The following LRP1B variants were observed in gnomAD, a reference collection of about 807,000 sequenced individuals.
LRP1B encodes the protein low-density lipoprotein receptor-related protein 1B.
In LRP1B, 217 loss-of-function variants were observed where a neutral mutation model predicts 556.6. The observed-to-expected ratio is 0.39, with a 90% confidence interval of 0.35 to 0.44. The LOEUF is 0.44. LRP1B is among the 20% of genes least tolerant of loss of function. LRP1B has a pLI of 1.00. For missense variants in LRP1B, 5,053 were observed against 5,620.8 expected (o/e 0.90, Z 3.23); for synonymous variants, 2,047 against 1,865.8 (o/e 1.10, Z -2.50).
At chr2:141,906,272 A>AC (rs557036501) in intron 1 of LRP1B, among the ~76,000 whole-genome samples, 111 of 151,892 alleles carry the variant, frequency 7.3e-4, no homozygotes, top group African/African-American at 2.6e-3. Flanking sequence ...ACAAAAAAAA[A>AC]CAAAAACAAT....
intron 66 of LRP1B, among the ~76,000 whole-genome samples, chr2:140,401,354 C>T (rs971259686): frequency 2.0e-5 from 3 of 152,166 alleles, no homozygotes; most frequent in African/African-American, 7.2e-5. Flanking sequence ...AGCTGCCTTG[C>T]CAACTGCATG....
At chr2:141,278,403 A>G (rs890399502) in intron 3 of LRP1B, among the ~76,000 whole-genome samples, 1 of 152,150 alleles carries the variant, frequency 6.6e-6, no homozygotes, top group Non-Finnish European at 1.5e-5. Flanking sequence ...GCTGCAGAAG[A>G]AGGCTTTGGA....
In LRP1B at chr2:141,399,209, T is replaced by C. The variant is rs933140705; in HGVS notation, c.343+81187A>G. ...AGGCAGAGGTTGCCGTGAGCCAAGA[T>C]CGTGCCACCGTGCTCCGGCCTGGGA... On this transcript the variant is annotated intron_variant, in intron 3 of 90. Coordinates refer to ENST00000389484, the MANE Select transcript of LRP1B (RefSeq NM_018557.3). Among the ~76,000 whole-genome samples the C allele has an allele frequency of 3.9e-5, 6 of 152,016 alleles. No individual in the cohort carries two copies. The East Asian group carries it at 1.2e-3, about 29-fold the overall frequency.
At chr2:140,691,769 A>G (rs1686252330) in intron 41 of LRP1B, among the ~76,000 whole-genome samples, 1 of 152,176 alleles carries the variant, frequency 6.6e-6, no homozygotes, top group African/African-American at 2.4e-5. Flanking sequence ...GATTTGACCA[A>G]TTAATTTACT....
chr2:141,605,898 C>A (rs542109639), intron 2 of LRP1B, among the ~76,000 whole-genome samples: 7 of 151,820 alleles, frequency 4.6e-5, no homozygotes, highest in Admixed American at 2.0e-4. Flanking sequence ...TTCTATCATT[C>A]AGCTGCTTTC....
chr2:140,744,917 A>T (rs193211382), intron 35 of LRP1B, among the ~76,000 whole-genome samples: 4 of 152,324 alleles, frequency 2.6e-5, no homozygotes, highest in Non-Finnish European at 5.9e-5. Flanking sequence ...TTTGACATAC[A>T]GTAGGTGCTC....
chr2:141,247,075 G>T, intron 5 of LRP1B, 151 bp downstream of exon 5: 2 of 782,428 alleles, frequency 2.6e-6, no homozygotes, highest in Non-Finnish European at 4.0e-6. Flanking sequence ...AATTGCTCTG[G>T]ATTCCTAACT....
In LRP1B at chr2:140,803,336, G is replaced by A. The variant is rs1262769037; in HGVS notation, c.5359+10321C>T. 4.1e-5 allele frequency among the ~76,000 whole-genome samples: 6 copies of A among 145,406 alleles called. No homozygotes were observed. The East Asian group carries it at 1.0e-3, about 25-fold the overall frequency. On this transcript the variant is annotated intron_variant, in intron 32 of 90. Transcript: ENST00000389484. ...GTCTCCCAGGCTGGAGTGCAGTGGCGCGCGATCTTGGCTCACTGCAACCTC... is the reference window on the plus strand; with the variant it reads ...GTCTCCCAGGCTGGAGTGCAGTGGCACGCGATCTTGGCTCACTGCAACCTC...
chr2:141,960,956 C>A (rs1701386656), intron 1 of LRP1B, among the ~76,000 whole-genome samples: 1 of 151,526 alleles, frequency 6.6e-6, no homozygotes, highest in South Asian at 2.1e-4. Context: ...ATCAGCTCAG[C>A]TTTTTTTATT....
chr2:140,234,952 C>A, intron 89 of LRP1B, 68 bp from the exon 90 acceptor site: 1 of 678,562 alleles, frequency 1.5e-6, no homozygotes, highest in Non-Finnish European at 2.7e-6. Flanking sequence ...CGATACATAT[C>A]ATGTTAATTC....
chr2:140,769,839 G>T (rs1573693596), intron 34 of LRP1B, among the ~76,000 whole-genome samples: 1 of 89,406 alleles, frequency 1.1e-5, no homozygotes, highest in South Asian at 3.7e-4. Context: ...GATTTCTTAA[G>T]AAATTTTTGA....
intron 2 of LRP1B, among the ~76,000 whole-genome samples, chr2:141,544,296 CTCTTCTTCT>C (rs1175616888): frequency 1.7e-4 from 13 of 78,358 alleles, no homozygotes; most frequent in African/African-American, 6.7e-4. Context: ...AAATTTACCA[CTCTTCTTCT>C]TCTTCTTCTT....
chr2:140,295,838 C>T (rs75331729), intron 84 of LRP1B, among the ~76,000 whole-genome samples: 21,887 of 152,008 alleles, frequency 0.14, 2,039 homozygotes, highest in East Asian at 0.32. Context: ...TGAACTATGA[C>T]TGACCTTTTG....
intron 2 of LRP1B, among the ~76,000 whole-genome samples, chr2:141,583,096 A>G (rs1025640294): frequency 6.6e-5 from 10 of 152,054 alleles, no homozygotes; most frequent in African/African-American, 2.4e-4. Context: ...TTGGCCTCCC[A>G]AAGTGCTGGG....
chr2:140,776,740 C>T (rs186959902), intron 32 of LRP1B, among the ~76,000 whole-genome samples: 251 of 152,030 alleles, frequency 1.7e-3, no homozygotes, highest in African/African-American at 4.4e-3. Context: ...TCTCCATTAC[C>T]GGTCTCTTCA....
At chr2:141,567,108 T>A (rs1686359359) in intron 2 of LRP1B, among the ~76,000 whole-genome samples, 1 of 152,188 alleles carries the variant, frequency 6.6e-6, no homozygotes, top group South Asian at 2.1e-4. Context: ...ATTGTGTTTG[T>A]TGTTATAAAT....
intron 79 of LRP1B, among the ~76,000 whole-genome samples, chr2:140,332,709 A>G (rs977939423): frequency 1.3e-5 from 2 of 151,980 alleles, no homozygotes; most frequent in African/African-American, 2.4e-5. Flanking sequence ...TCGACCTGAA[A>G]CACAGTTTAC....
Position 140,886,135 on chromosome 2 carries a change from T to C in LRP1B, c.3964+3A>G. ...ACATTAAGAAAAATTATAATATATG[T>C]ACCTCCACTTTCAGAAAGCTTTCCC... On this transcript the variant is annotated splice_donor_region_variant and intron_variant, in intron 24 of 90. Transcript: ENST00000389484. 6.4e-7 allele frequency: 1 copy of C among 1,552,438 alleles called. No individual in the cohort carries two copies. The highest frequency in any genetic ancestry group is 8.8e-7 in the Non-Finnish European group (1 of 1,139,664).
chr2:142,012,043 A>G (rs1289558704), intron 1 of LRP1B, among the ~76,000 whole-genome samples: 1 of 152,156 alleles, frequency 6.6e-6, no homozygotes, highest in Non-Finnish European at 1.5e-5. Context: ...AAGTACCTGC[A>G]TGTTTTGCTA....
Sources: allele counts gnomAD v4.1 joint callset (sites outside exome capture counted in the v4.1 genomes callset), GRCh38; gene constraint gnomAD v4.1.1; transcripts MANE v1.5; gene names NCBI Gene and HGNC (gene_info 2026-07-23, HGNC 2026-07-21).